CCDC88C: variants seen among roughly 807,000 people sequenced by gnomAD.
The protein encoded by CCDC88C is coiled-coil and HOOK domain protein 88C.
CCDC88C carries 131 observed loss-of-function variants against 198.8 expected under a neutral mutation model. That is an observed-to-expected ratio of 0.66 (90% CI 0.57 to 0.76). The LOEUF (loss-of-function observed/expected upper bound fraction) is 0.76. CCDC88C is among the 30% of genes least tolerant of loss of function. The pLI, the probability that CCDC88C is intolerant of heterozygous loss-of-function variation, is 0.00. For missense variants in CCDC88C, 2,553 were observed against 2,631.6 expected (o/e 0.97, Z 0.65); for synonymous variants, 1,166 against 1,114.7 (o/e 1.05, Z -0.92).
At chr14:91,341,974 C>A (rs1180683572) in intron 6 of CCDC88C, among the ~76,000 whole-genome samples, 1 of 152,210 alleles carries the variant, frequency 6.6e-6, no homozygotes, top group African/African-American at 2.4e-5. Context: ...CTGACAGAAG[C>A]AGAGAATCTC....
chr14:91,403,791 G>A (rs1490868397), intron 3 of CCDC88C, among the ~76,000 whole-genome samples: 2 of 152,160 alleles, frequency 1.3e-5, no homozygotes, highest in African/African-American at 4.8e-5. Context: ...GTAGCCAGGC[G>A]TGGTGGTGCC....
In CCDC88C at chr14:91,382,296, C is replaced by A. The variant is rs534178607; in HGVS notation, c.271-22585G>T. Among the ~76,000 whole-genome samples, 10 of 152,304 alleles carry A rather than the reference C, an allele frequency of 6.6e-5. No homozygotes were observed. In the South Asian group the frequency reaches 2.1e-3, roughly 32 times the overall value. On this transcript the variant is annotated intron_variant, in intron 3 of 29. Coordinates refer to ENST00000389857, the MANE Select transcript of CCDC88C (RefSeq NM_001080414.4). ...AGCCCTCTGGGCAGCCACAACCAAT[C>A]AACTCAAGATTAAACCTATCTGCCA...
chr14:91,291,378 C>A (rs994258299), intron 23 of CCDC88C, among the ~76,000 whole-genome samples: 2 of 152,160 alleles, frequency 1.3e-5, no homozygotes, highest in African/African-American at 4.8e-5. Context: ...CTCGGAAGAC[C>A]CAAGGATTCT....
At chr14:91,358,954 T>C (rs1255869259) in intron 4 of CCDC88C, among the ~76,000 whole-genome samples, 3 of 152,154 alleles carry the variant, frequency 2.0e-5, no homozygotes, top group Non-Finnish European at 4.4e-5. Context: ...CAGTGACAGA[T>C]GTCAGTTCTC....
Position 91,273,506 on chromosome 14 carries a change from C to A in CCDC88C, c.5206G>T (p.Ala1736Ser). The stretch of plus-strand genomic sequence containing the variant: ...GGCCTCCCCTCCGAGGTGGGGGCGG[C>A]CATTTTGACGGTGGGGGCCACAAAG... Reference protein sequence around the residue: ...TNFVAPTVKMAAPTSEGRPLK... With the variant: ...TNFVAPTVKMSAPTSEGRPLK... The change falls in exon 30 of 30, where the codon GCC (alanine) becomes TCC (serine). Residue 1736 changes from alanine to serine, a missense_variant. Ala to Ser is a moderately conservative substitution (Grantham distance 99). This residue lies in a region of CCDC88C where 1,293 missense variants were observed against 1,219.6 expected (regional missense o/e 1.06). Coordinates refer to ENST00000389857, the MANE Select transcript of CCDC88C (RefSeq NM_001080414.4). The surrounding 1 kb of genome is among the most constrained non-coding windows in gnomAD (Gnocchi z 5.6). 1 of 1,543,452 alleles carries A rather than the reference C, an allele frequency of 6.5e-7. No individual in the cohort carries two copies.
At chr14:91,281,726 T>C (rs112307142) in intron 26 of CCDC88C, among the ~76,000 whole-genome samples, 2,558 of 152,210 alleles carry the variant, frequency 0.017, 41 homozygotes, top group Middle Eastern at 0.024. Context: ...ACACTCCCGA[T>C]TCCCATCCCC....
chr14:91,331,432 G>GC (rs1222197689), intron 10 of CCDC88C, among the ~76,000 whole-genome samples: 1 of 152,184 alleles, frequency 6.6e-6, no homozygotes, highest in Non-Finnish European at 1.5e-5. Flanking sequence ...CTGTCTCCAG[G>GC]CCCCATGGGC....
rs759860926 is a variant in CCDC88C at position 91,313,549 on chromosome 14, C to A, written c.2267G>T (p.Arg756Leu). The A allele has an allele frequency of 1.2e-6, 2 of 1,610,678 alleles. No homozygotes were observed. Among genetic ancestry groups the A allele is most frequent in the Non-Finnish European group, 1.7e-6 (2 of 1,179,880 alleles). ...CACGCTCTGGTAGCTGAGCTCCAGGCGCTCTGACTTCTTGCCCAGCGCCTT... is the reference window on the plus strand; with the variant it reads ...CACGCTCTGGTAGCTGAGCTCCAGGAGCTCTGACTTCTTGCCCAGCGCCTT... ...LLKALGKKSE[R>L]LELSYQSVSA... Residue 756 changes from arginine to leucine, a missense_variant, in exon 15 of 30, where the codon CGC becomes CTC. Around this residue, in one of 2 missense-constraint regions of CCDC88C, gnomAD observed 1,260 missense variants for 1,412.0 expected, o/e 0.89. Transcript: ENST00000389857. This position sits in a 1 kb window ranked among gnomAD's most constrained non-coding sequence, Gnocchi z 5.2.
At chr14:91,400,996 G>A (rs1379470493) in intron 3 of CCDC88C, among the ~76,000 whole-genome samples, 8 of 151,802 alleles carry the variant, frequency 5.3e-5, no homozygotes, top group East Asian at 1.9e-4. Flanking sequence ...ATGTTACACA[G>A]ACACCAAAAT....
chr14:91,417,279 T>A (rs1887115576), intron 1 of CCDC88C: 1 of 684,954 alleles, frequency 1.5e-6, no homozygotes, highest in East Asian at 2.7e-5. Context: ...AAGAATGGGG[T>A]CCTTTTCGGG....
chr14:91,334,944 G>A (rs940554453), intron 10 of CCDC88C, among the ~76,000 whole-genome samples: 6 of 152,118 alleles, frequency 3.9e-5, no homozygotes, highest in Non-Finnish European at 8.8e-5. Flanking sequence ...TGGGAGGCCC[G>A]CCCCAAGAGC....
intron 25 of CCDC88C, chr14:91,285,593 C>T (rs1014825331): frequency 1.8e-5 from 22 of 1,229,446 alleles, no homozygotes; most frequent in Non-Finnish European, 2.1e-5. Context: ...GCCTTTTAGA[C>T]GCTGGCTTTT....
At position 91,352,317 on chromosome 14, in the gene CCDC88C, A is replaced by T. The variant is rs1028304735; in HGVS notation, c.340+7325T>A. ...GCTTGGAGGCCGGCGTGTGGGCCGC[A>T]CTGTGACGCTCGGCTGGGCTTGGTG... On this transcript the variant is annotated intron_variant, in intron 4 of 29. Transcript: ENST00000389857. The surrounding 1 kb of genome is among the most constrained non-coding windows in gnomAD (Gnocchi z 4.2). Among the ~76,000 whole-genome samples, 1 of 152,134 alleles carries T rather than the reference A, an allele frequency of 6.6e-6. No homozygotes were observed. The highest frequency in any genetic ancestry group is 6.5e-5 in the Admixed American group (1 of 15,280).
intron 3 of CCDC88C, among the ~76,000 whole-genome samples, chr14:91,365,375 C>T (rs1894487588): frequency 2.6e-5 from 4 of 152,222 alleles, no homozygotes. Flanking sequence ...CCCTTCTCCA[C>T]CTACGGTGGC....
intron 21 of CCDC88C, among the ~76,000 whole-genome samples, chr14:91,298,835 G>A (rs1285340728): frequency 1.3e-5 from 2 of 152,208 alleles, no homozygotes; most frequent in Non-Finnish European, 2.9e-5. Context: ...GTGGGAGGAG[G>A]AAGAATTTCG....
At chr14:91,283,190 C>T (rs1206176799) in intron 26 of CCDC88C, 139 bp downstream of exon 26, 2 of 880,332 alleles carry the variant, frequency 2.3e-6, no homozygotes, top group Non-Finnish European at 3.4e-6. Flanking sequence ...GCCACCAAAG[C>T]CTGTCAGCAG....
intron 13 of CCDC88C, among the ~76,000 whole-genome samples, chr14:91,316,734 G>A (rs985778274): frequency 2.0e-5 from 3 of 152,176 alleles, no homozygotes; most frequent in East Asian, 1.9e-4. Flanking sequence ...TCTGATTGCT[G>A]TTGCTTCTGG....
intron 6 of CCDC88C, 103 bp from the exon 7 acceptor site, chr14:91,340,127 TCA>T (rs1160803189): frequency 6.1e-6 from 9 of 1,475,294 alleles, no homozygotes; most frequent in Non-Finnish European, 8.3e-6. Context: ...TACTAATCCC[TCA>T]GTGACAAATT....
Position 91,315,697 on chromosome 14 carries a change from G to C in CCDC88C, c.1618C>G (p.Gln540Glu). The C allele has an allele frequency of 1.2e-6, 2 of 1,613,870 alleles. No individual in the cohort carries two copies. Among genetic ancestry groups the C allele is most frequent in the Non-Finnish European group, 1.7e-6 (2 of 1,179,866 alleles). ...LSEELIREKEQLQSDMETLKA... is the reference protein window; with the variant it reads ...LSEELIREKEELQSDMETLKA... ...AGGGTCTCCATGTCACTCTGCAGCTGCTCCTTCTCTCTGATCAGCTCCTCA... is the reference window on the plus strand; with the variant it reads ...AGGGTCTCCATGTCACTCTGCAGCTCCTCCTTCTCTCTGATCAGCTCCTCA... The change falls in exon 14 of 30, where the codon CAG becomes GAG. Residue 540 changes from glutamine (Q) to glutamate (E), a missense_variant. Around this residue, in one of 2 missense-constraint regions of CCDC88C, gnomAD observed 1,260 missense variants for 1,412.0 expected, o/e 0.89. Transcript: ENST00000389857.
Sources: gnomAD v4.1 joint callset for allele counts (sites outside exome capture counted in the v4.1 genomes callset) on GRCh38, gnomAD v4.1.1 for gene constraint, gnomAD v4.1.1 regional missense constraint, Gnocchi (gnomAD v3.1) non-coding constraint, MANE v1.5 for transcripts, NCBI Gene and HGNC (gene_info 2026-07-23, HGNC 2026-07-21) for gene names.